Variants in MAN1C1 observed in about 807,000 individuals in gnomAD.
MAN1C1 encodes the protein mannosidase alpha class 1C member 1.
A neutral mutation model predicts 71.5 loss-of-function variants in MAN1C1; 49 were observed. The ratio of observed to expected loss-of-function variants is 0.69; its 90% CI spans 0.54 to 0.87. MAN1C1 has a LOEUF of 0.87. Among genes scored for constraint, MAN1C1 ranks in the 40% least tolerant of loss-of-function variants. The pLI, the probability that MAN1C1 is intolerant of heterozygous loss-of-function variation, is 0.00. For missense variants in MAN1C1, 743 were observed against 835.0 expected (o/e 0.89, Z 1.36); for synonymous variants, 352 against 343.7 (o/e 1.02, Z -0.27).
intron 1 of MAN1C1, among the ~76,000 whole-genome samples, chr1:25,625,641 C>T (rs1379526302): frequency 1.3e-5 from 2 of 152,086 alleles, no homozygotes; most frequent in Non-Finnish European, 2.9e-5. Context: ...CATAGCAAGA[C>T]CCTGTCGCTC....
intron 6 of MAN1C1, 34 bp downstream of exon 6, chr1:25,758,743 C>T (rs755002822): frequency 6.4e-7 from 1 of 1,571,836 alleles, no homozygotes; most frequent in Non-Finnish European, 8.8e-7. Context: ...TCCTGCGGAG[C>T]AGAGGGATGA....
chr1:25,641,461 A>G (rs1157042937), intron 1 of MAN1C1, among the ~76,000 whole-genome samples: 1 of 152,132 alleles, frequency 6.6e-6, no homozygotes, highest in African/African-American at 2.4e-5. Context: ...GGAAGAGCGT[A>G]GAAACTGTCA....
intron 2 of MAN1C1, among the ~76,000 whole-genome samples, chr1:25,724,191 G>T (rs2046804361): frequency 6.6e-6 from 1 of 152,058 alleles, no homozygotes; most frequent in African/African-American, 2.4e-5. Flanking sequence ...ACCACGCCCG[G>T]CTAATTTTTG....
At position 25,617,656 on chromosome 1, in the gene MAN1C1, C is replaced by T. The variant is rs958106424; in HGVS notation, c.-142C>T. 5 of 648,482 alleles carry T rather than the reference C, an allele frequency of 7.7e-6. No individual in the cohort carries two copies. The highest frequency in any genetic ancestry group is 1.2e-5 in the Non-Finnish European group (5 of 403,010). The allele number at this position is 648,482 out of a possible 1,614,324, so 40.2% of individuals were successfully genotyped here. On this transcript the variant is annotated 5_prime_UTR_variant, in exon 1 of 12. Transcript: ENST00000374332. The surrounding 1 kb of genome is among the most constrained non-coding windows in gnomAD (Gnocchi z 5.1). ...TCCCTGAACTTCGGGGACAGTCCCC[C>T]GAAGCGGCGAAACTCTCAGGGTTGG...
At chr1:25,694,458 G>A (rs942226721) in intron 2 of MAN1C1, among the ~76,000 whole-genome samples, 1 of 152,182 alleles carries the variant, frequency 6.6e-6, no homozygotes, top group African/African-American at 2.4e-5. Context: ...CCTTGGGTGA[G>A]TTAAGAGGCA....
intron 7 of MAN1C1, among the ~76,000 whole-genome samples, chr1:25,765,025 G>A (rs1469346247): frequency 2.0e-5 from 3 of 151,996 alleles, no homozygotes; most frequent in South Asian, 4.1e-4. Context: ...TTCAACCTGG[G>A]CGACAGAGCA....
At chr1:25,780,826 A>G (rs2047682333) in intron 9 of MAN1C1, 114 bp from the exon 10 acceptor site, 3 of 1,109,818 alleles carry the variant, frequency 2.7e-6, no homozygotes, top group Non-Finnish European at 4.0e-6. Flanking sequence ...CCACACCCAC[A>G]CACACCTGAC....
chr1:25,766,916 C>A (rs1332870110), intron 7 of MAN1C1, among the ~76,000 whole-genome samples: 1 of 152,018 alleles, frequency 6.6e-6, no homozygotes, highest in Non-Finnish European at 1.5e-5. Context: ...TGTGGCCCAG[C>A]CTCCTGCTGC....
At chr1:25,625,502 C>T (rs1383559485) in intron 1 of MAN1C1, among the ~76,000 whole-genome samples, 3 of 152,118 alleles carry the variant, frequency 2.0e-5, no homozygotes, top group African/African-American at 7.2e-5. Context: ...TTAGTTTTGC[C>T]TGTTCTAGAA....
At chr1:25,747,091 G>A (rs1180184651) in intron 3 of MAN1C1, among the ~76,000 whole-genome samples, 2 of 152,198 alleles carry the variant, frequency 1.3e-5, no homozygotes, top group South Asian at 2.1e-4. Context: ...CACCCTGGAC[G>A]GCCCCTGGGG....
At chr1:25,692,566 C>T (rs1389921653) in intron 2 of MAN1C1, among the ~76,000 whole-genome samples, 1 of 152,106 alleles carries the variant, frequency 6.6e-6, no homozygotes, top group Non-Finnish European at 1.5e-5. Flanking sequence ...TCTAAATTAC[C>T]CATCTTATCC....
intron 1 of MAN1C1, among the ~76,000 whole-genome samples, chr1:25,680,559 A>G (rs2046137615): frequency 6.6e-6 from 1 of 152,208 alleles, no homozygotes; most frequent in South Asian, 2.1e-4. Flanking sequence ...AAATGGAATC[A>G]TACTCCAGGT....
intron 2 of MAN1C1, among the ~76,000 whole-genome samples, chr1:25,736,962 C>T (rs942494918): frequency 7.9e-5 from 12 of 152,208 alleles, no homozygotes; most frequent in Admixed American, 1.3e-4. Context: ...ATCCAGGCCT[C>T]GCAGGAAACA....
chr1:25,692,489 C>T (rs956881419), intron 2 of MAN1C1, among the ~76,000 whole-genome samples: 1 of 152,198 alleles, frequency 6.6e-6, no homozygotes, highest in Non-Finnish European at 1.5e-5. Flanking sequence ...GCTAGGATTA[C>T]AGGCGGGAGC....
At chr1:25,663,046 A>G (rs1322243816) in intron 1 of MAN1C1, among the ~76,000 whole-genome samples, 2 of 151,206 alleles carry the variant, frequency 1.3e-5, no homozygotes, top group Non-Finnish European at 2.9e-5. Context: ...AGCCGAGATC[A>G]TGCCACTGCA....
intron 10 of MAN1C1, chr1:25,781,322 C>T (rs941809852): frequency 3.3e-5 from 19 of 569,782 alleles, no homozygotes; most frequent in African/African-American, 3.0e-4. Flanking sequence ...ACAGGCCAGA[C>T]TTGTGAAGAG....
At chr1:25,768,644 T>C (rs1270244666) in intron 7 of MAN1C1, among the ~76,000 whole-genome samples, 4 of 50,384 alleles carry the variant, frequency 7.9e-5, no homozygotes, top group Admixed American at 2.9e-4. Context: ...AATTACACAC[T>C]CCCCCACACA....
chr1:25,738,143 C>G (rs2047008724), intron 2 of MAN1C1, among the ~76,000 whole-genome samples: 1 of 152,108 alleles, frequency 6.6e-6, no homozygotes, highest in Non-Finnish European at 1.5e-5. Flanking sequence ...TAAAAAATAT[C>G]TTTCCTTCCA....
chr1:25,656,957 C>T (rs1236791997), intron 1 of MAN1C1, among the ~76,000 whole-genome samples: 1 of 152,054 alleles, frequency 6.6e-6, no homozygotes, highest in Non-Finnish European at 1.5e-5. Flanking sequence ...TCCCGAGTAG[C>T]TGGGACTACA....
Sources: allele counts gnomAD v4.1 joint callset (sites outside exome capture counted in the v4.1 genomes callset), GRCh38; gene constraint gnomAD v4.1.1; non-coding constraint Gnocchi (gnomAD v3.1); transcripts MANE v1.5; gene names NCBI Gene and HGNC (gene_info 2026-07-23, HGNC 2026-07-21).